Variants in WWOX observed in about 807,000 individuals in gnomAD.
The protein encoded by WWOX is WW domain containing oxidoreductase, also known as WW domain-containing oxidoreductase.
In WWOX, 69 loss-of-function variants were observed where a neutral mutation model predicts 46.2. The observed-to-expected ratio is 1.49, with a 90% confidence interval of 1.23 to 1.82. WWOX has a LOEUF of 1.82. WWOX is among the 40% of genes most tolerant of loss of function. The pLI is 0.00. For missense variants in WWOX, 919 were observed against 542.6 expected (o/e 1.69, Z -6.89); for synonymous variants, 359 against 202.6 (o/e 1.77, Z -6.56).
chr16:78,470,458 C>A (rs907072666), intron 8 of WWOX, among the ~76,000 whole-genome samples: 3 of 152,196 alleles, frequency 2.0e-5, no homozygotes, highest in Non-Finnish European at 4.4e-5. Context: ...TTCCTTCCCT[C>A]TACGATTTCA....
At chr16:78,377,099 A>G (rs1012607536) in intron 5 of WWOX, among the ~76,000 whole-genome samples, 20 of 152,376 alleles carry the variant, frequency 1.3e-4, no homozygotes, top group African/African-American at 4.6e-4. Flanking sequence ...GGGAAGTTCC[A>G]GTGCTTAACA....
intron 8 of WWOX, among the ~76,000 whole-genome samples, chr16:78,780,716 G>T (rs2050304452): frequency 6.6e-6 from 1 of 152,148 alleles, no homozygotes; most frequent in Admixed American, 6.5e-5. Flanking sequence ...GAAGTGCAGG[G>T]TCCCTGAGGC....
chr16:78,497,693 C>G (rs1287737916), intron 8 of WWOX, among the ~76,000 whole-genome samples: 1 of 152,270 alleles, frequency 6.6e-6, no homozygotes, highest in South Asian at 2.1e-4. Flanking sequence ...TAGGTCTAAT[C>G]ACTCTTCATG....
rs186259787 is a variant in WWOX, at chr16:78,409,132, A to T, written c.606-15738A>T. On this transcript the variant is annotated intron_variant, in intron 6 of 8. Transcript: ENST00000566780. ...GTGTAGATTATTCACAGATGTATAC[A>T]CAGTGGCTCACTCCAGGTAGGATGT... 2.0e-5 allele frequency among the ~76,000 whole-genome samples: 3 copies of T among 152,112 alleles called. No homozygotes were observed. The East Asian group carries it at 5.8e-4, about 29-fold the overall frequency.
chr16:78,269,344 A>T (rs138653843), intron 5 of WWOX, among the ~76,000 whole-genome samples: 69 of 152,246 alleles, frequency 4.5e-4, no homozygotes, highest in African/African-American at 1.6e-3. Flanking sequence ...TAGACTGGAG[A>T]CTCAGAAAGG....
chr16:78,700,312 C>CAAAGAG (rs2048185439), intron 8 of WWOX, among the ~76,000 whole-genome samples: 1 of 130,458 alleles, frequency 7.7e-6, no homozygotes, highest in African/African-American at 2.9e-5. Context: ...ACTTAGTAGA[C>CAAAGAG]AGAGAGAGAG....
chr16:78,208,098 C>CCT (rs1327522733), intron 5 of WWOX, among the ~76,000 whole-genome samples: 1 of 152,212 alleles, frequency 6.6e-6, no homozygotes, highest in Non-Finnish European at 1.5e-5. Flanking sequence ...CAGGCATGAG[C>CCT]CTCTCCATCT....
At chr16:78,846,674 C>T (rs1398075432) in intron 8 of WWOX, among the ~76,000 whole-genome samples, 1 of 152,102 alleles carries the variant, frequency 6.6e-6, no homozygotes, top group Non-Finnish European at 1.5e-5. Context: ...TGCCAGATTT[C>T]TCCACTGTAA....
At chr16:78,639,939 G>A (rs73565232) in intron 8 of WWOX, among the ~76,000 whole-genome samples, 6,472 of 152,218 alleles carry the variant, frequency 0.043, 432 homozygotes, top group African/African-American at 0.15. Context: ...TGTGGAGGGA[G>A]TGGGAGGCAG....
At chr16:78,776,851 G>A (rs1021892126) in intron 8 of WWOX, among the ~76,000 whole-genome samples, 6 of 152,044 alleles carry the variant, frequency 3.9e-5, no homozygotes, top group Non-Finnish European at 5.9e-5. Flanking sequence ...GTAAGAACTC[G>A]CTATGTCAAG....
chr16:79,042,895 C>T (rs927648264), intron 8 of WWOX, among the ~76,000 whole-genome samples: 1 of 152,086 alleles, frequency 6.6e-6, no homozygotes, highest in African/African-American at 2.4e-5. Flanking sequence ...TCATGTGTCC[C>T]TGGATTTTAA....
chr16:78,953,524 G>C (rs928492109), intron 8 of WWOX, among the ~76,000 whole-genome samples: 2 of 152,130 alleles, frequency 1.3e-5, no homozygotes, highest in Admixed American at 6.6e-5. Context: ...CTAACCCCCA[G>C]TTTACTGTTG....
chr16:78,390,634 T>A lies in WWOX; in HGVS notation c.605+3686T>A, dbSNP rs192589407. Reference sequence around the variant, plus strand: ...AAATGCTGCCAAAGTGAAATCTCTCTTGGATAGGCAGATGACAGTTTAGTA... The same window carrying A: ...AAATGCTGCCAAAGTGAAATCTCTCATGGATAGGCAGATGACAGTTTAGTA... On this transcript the variant is annotated intron_variant, in intron 6 of 8. Coordinates refer to ENST00000566780, the MANE Select transcript of WWOX (RefSeq NM_016373.4). Among the ~76,000 whole-genome samples the A allele has an allele frequency of 8.8e-3, 1,343 of 152,314 alleles. 21 individuals are homozygous for A. The highest frequency in any genetic ancestry group is 0.031 in the African/African-American group (1,294 of 41,570).
intron 8 of WWOX, among the ~76,000 whole-genome samples, chr16:78,714,884 G>T (rs760441400): frequency 1.3e-5 from 2 of 152,158 alleles, no homozygotes; most frequent in African/African-American, 2.4e-5. Flanking sequence ...GATAAGACAT[G>T]GAATGATATG....
intron 5 of WWOX, among the ~76,000 whole-genome samples, chr16:78,197,811 T>C (rs2036102354): frequency 1.3e-5 from 2 of 152,182 alleles, no homozygotes; most frequent in Non-Finnish European, 2.9e-5. Context: ...GTGAGCGACT[T>C]GCCCGAGGCC....
intron 5 of WWOX, among the ~76,000 whole-genome samples, chr16:78,353,427 C>G (rs138741714): frequency 6.6e-6 from 1 of 152,156 alleles, no homozygotes; most frequent in African/African-American, 2.4e-5. Context: ...GACAGTTCAC[C>G]AAATCTATCG....
At chr16:78,207,051 C>G (rs1272545361) in intron 5 of WWOX, among the ~76,000 whole-genome samples, 1 of 152,092 alleles carries the variant, frequency 6.6e-6, no homozygotes, top group African/African-American at 2.4e-5. Context: ...GTAATTTTCC[C>G]AGGGCCAGAG....
At chr16:79,130,659 A>G (rs137958047) in intron 8 of WWOX, among the ~76,000 whole-genome samples, 101 of 152,326 alleles carry the variant, frequency 6.6e-4, no homozygotes, top group African/African-American at 2.3e-3. Context: ...GAACAAATTA[A>G]CCCAGGGCAA....
intron 8 of WWOX, among the ~76,000 whole-genome samples, chr16:78,968,080 C>G (rs1225736441): frequency 6.6e-6 from 1 of 151,830 alleles, no homozygotes; most frequent in Non-Finnish European, 1.5e-5. Context: ...CTGTATGGCA[C>G]AGTGCATGGT....
Sources: allele counts gnomAD v4.1 joint callset (sites outside exome capture counted in the v4.1 genomes callset), GRCh38; gene constraint gnomAD v4.1.1; transcripts MANE v1.5; gene names NCBI Gene and HGNC (gene_info 2026-07-23, HGNC 2026-07-21).